GNG4: variants seen among roughly 807,000 people sequenced by gnomAD.
The protein encoded by GNG4 is G protein subunit gamma 4, also known as guanine nucleotide-binding protein G(I)/G(S)/G(O) subunit gamma-4.
In GNG4, 4 loss-of-function variants were observed where a neutral mutation model predicts 5.8. The observed-to-expected ratio is 0.69, with a 90% CI of 0.34 to 1.57. GNG4 has a LOEUF of 1.57. GNG4 is among the 40% of genes most tolerant of loss of function. The pLI, the probability that GNG4 is intolerant of heterozygous loss-of-function variation, is 0.06. For missense variants in GNG4, 96 were observed against 95.1 expected (o/e 1.01, Z -0.04); for synonymous variants, 29 against 32.9 (o/e 0.88, Z 0.41).
chr1:235,637,569 G>A (rs1467423168), intron 1 of GNG4, among the ~76,000 whole-genome samples: 12 of 150,426 alleles, frequency 8.0e-5, no homozygotes, highest in Non-Finnish European at 1.2e-4. Flanking sequence ...CATGAGAATC[G>A]CTTGAACCTG....
chr1:235,553,841 T>C (rs963343105), intron 3 of GNG4, among the ~76,000 whole-genome samples: 4 of 152,230 alleles, frequency 2.6e-5, no homozygotes, highest in Non-Finnish European at 5.9e-5. Context: ...TTTCTGAGCT[T>C]CACTTCCCTC....
chr1:235,580,728 C>A (rs1433310366), intron 3 of GNG4, among the ~76,000 whole-genome samples: 3 of 140,240 alleles, frequency 2.1e-5, no homozygotes, highest in Non-Finnish European at 4.6e-5. Flanking sequence ...AGCAACATGG[C>A]GGCCTATCCC....
chr1:235,594,970 A>T (rs1688086462), intron 2 of GNG4, among the ~76,000 whole-genome samples: 2 of 152,130 alleles, frequency 1.3e-5, no homozygotes, highest in Non-Finnish European at 2.9e-5. Flanking sequence ...GCCTGAAGGG[A>T]CCCAGCAGCT....
chr1:235,594,665 C>T (rs1051407184), intron 2 of GNG4, among the ~76,000 whole-genome samples: 32 of 152,212 alleles, frequency 2.1e-4, no homozygotes, highest in Admixed American at 5.2e-4. Flanking sequence ...GCTTGCGGGC[C>T]GGCCGCTCCC....
chr1:235,587,738 AGGGTGG>A (rs1687849109), intron 2 of GNG4, among the ~76,000 whole-genome samples: 1 of 11,784 alleles, frequency 8.5e-5, no homozygotes. Context: ...GTCAGGGTTC[AGGGTGG>A]GGGTGAGGGT....
intron 1 of GNG4, chr1:235,616,080 T>C (rs149828189): frequency 2.0e-4 from 81 of 404,988 alleles, no homozygotes; most frequent in Non-Finnish European, 3.1e-4. Context: ...CCACATGACT[T>C]TGTCATCCTG....
At chr1:235,640,024 G>C (rs966807550) in intron 1 of GNG4, among the ~76,000 whole-genome samples, 3 of 152,166 alleles carry the variant, frequency 2.0e-5, no homozygotes, top group Non-Finnish European at 4.4e-5. Flanking sequence ...GGAGCAGTGA[G>C]GGGGTCTCTA....
At chr1:235,591,820 A>G (rs997050924) in intron 2 of GNG4, among the ~76,000 whole-genome samples, 1 of 152,204 alleles carries the variant, frequency 6.6e-6, no homozygotes, top group African/African-American at 2.4e-5. Flanking sequence ...CTTCCCAGGT[A>G]TACAGGAATG....
chr1:235,587,224 A>AGT (rs1180800150), intron 2 of GNG4, among the ~76,000 whole-genome samples: 36 of 47,214 alleles, frequency 7.6e-4, no homozygotes, highest in African/African-American at 2.9e-3. Flanking sequence ...GGTGTGGGTG[A>AGT]GTGTGAGTGT....
In GNG4 at chr1:235,548,178, T is replaced by C. The variant is rs541459150; in HGVS notation, c.*3931A>G. The C allele has an allele frequency of 1.2e-4, 18 of 152,306 alleles. No homozygotes were observed. Among genetic ancestry groups the C allele is most frequent in the African/African-American group, 3.4e-4 (14 of 41,572 alleles). The allele number at this position is 152,306 out of a possible 1,614,324, so 9.4% of individuals were successfully genotyped here. A position where few individuals can be genotyped will look rare whatever the true frequency, so the allele number is the denominator to read the frequency against. ...GGATGAACACATGTACACATTTCTG[T>C]AGGGTATACACCTAGGGGTGGAATT... is the stretch of plus-strand genomic sequence containing the variant. On this transcript the variant is annotated 3_prime_UTR_variant, in exon 4 of 4. Coordinates refer to ENST00000391854, the MANE Select transcript of GNG4 (RefSeq NM_001098722.2).
chr1:235,619,133 T>TAA (rs71496930), intron 1 of GNG4, among the ~76,000 whole-genome samples: 15,052 of 49,056 alleles, frequency 0.31, 2,715 homozygotes, highest in Non-Finnish European at 0.37. Flanking sequence ...ACGCTGTCTC[T>TAA]AAAAAAAAAA....
At chr1:235,593,540 C>G (rs143432915) in intron 2 of GNG4, among the ~76,000 whole-genome samples, 2 of 152,220 alleles carry the variant, frequency 1.3e-5, no homozygotes, top group Non-Finnish European at 2.9e-5. Context: ...TTGGTGGGTT[C>G]TTGGTCTCAC....
intron 1 of GNG4, among the ~76,000 whole-genome samples, chr1:235,602,374 G>A (rs1688274623): frequency 6.6e-6 from 1 of 152,204 alleles, no homozygotes; most frequent in Non-Finnish European, 1.5e-5. Flanking sequence ...AGTCCTGGGG[G>A]ACGAGAGAGA....
At chr1:235,572,568 C>T (rs1397532713) in intron 3 of GNG4, among the ~76,000 whole-genome samples, 2 of 144,208 alleles carry the variant, frequency 1.4e-5, no homozygotes, top group African/African-American at 5.2e-5. Flanking sequence ...GTGGTATGTT[C>T]TCAGCTCACT....
At chr1:235,631,724 C>T (rs199563383) in intron 1 of GNG4, among the ~76,000 whole-genome samples, 4 of 151,602 alleles carry the variant, frequency 2.6e-5, no homozygotes, top group Admixed American at 6.6e-5. Flanking sequence ...TATGCCACCA[C>T]GCCCAGCCAA....
At chr1:235,611,744 G>GGTTGCC (rs1361058775) in intron 1 of GNG4, among the ~76,000 whole-genome samples, 1 of 152,096 alleles carries the variant, frequency 6.6e-6, no homozygotes, top group Non-Finnish European at 1.5e-5. Context: ...CTGTTAACAG[G>GGTTGCC]GTTGCCTGAG....
At position 235,553,595 on chromosome 1, in the gene GNG4, C is replaced by T. The variant is rs144643541; in HGVS notation, c.100-1358G>A. Among the ~76,000 whole-genome samples the T allele has an allele frequency of 7.0e-4, 107 of 152,306 alleles. 3 individuals carry two copies. In the South Asian group the frequency reaches 7.2e-3, roughly 10 times the overall value. The stretch of plus-strand genomic sequence containing the variant: ...TACAGAGATTCTTCTGATTTTCAGA[C>T]CTAACCGCTTTAGCAATGGCTAGAA... On this transcript the variant is annotated intron_variant, in intron 3 of 3. Transcript: ENST00000391854.
chr1:235,614,168 T>C (rs2102971127), intron 1 of GNG4, among the ~76,000 whole-genome samples: 1 of 152,342 alleles, frequency 6.6e-6, no homozygotes, highest in African/African-American at 2.4e-5. Flanking sequence ...CCATAGAATT[T>C]ATCCATTTCA....
intron 2 of GNG4, among the ~76,000 whole-genome samples, chr1:235,585,541 CTT>C (rs1687739806): frequency 6.6e-6 from 1 of 152,120 alleles, no homozygotes; most frequent in African/African-American, 2.4e-5. Flanking sequence ...TGCTTTTGAA[CTT>C]TGTTTTTATA....
Sources: allele counts gnomAD v4.1 joint callset (sites outside exome capture counted in the v4.1 genomes callset), GRCh38; gene constraint gnomAD v4.1.1; transcripts MANE v1.5; gene names NCBI Gene and HGNC (gene_info 2026-07-23, HGNC 2026-07-21).